Variants in PCSK1 observed in about 807,000 individuals in gnomAD.
PCSK1 encodes neuroendocrine convertase 1.
Under a neutral mutation model 90.6 loss-of-function variants are expected in PCSK1, and 56 were observed. The ratio of observed to expected loss-of-function variants is 0.62; its 90% confidence interval spans 0.50 to 0.77. The LOEUF (loss-of-function observed/expected upper bound fraction) is 0.77, where lower values mean the gene tolerates loss of function less well. Ranked by LOEUF, PCSK1 falls within the 30% of genes least tolerant of loss-of-function variation. The pLI is 0.00. For missense variants in PCSK1, 801 were observed against 932.6 expected (o/e 0.86, Z 1.84); for synonymous variants, 348 against 342.4 (o/e 1.02, Z -0.18).
intron 9 of PCSK1, among the ~76,000 whole-genome samples, chr5:96,401,716 G>A (rs115884089): frequency 1.9e-3 from 291 of 152,106 alleles, no homozygotes; most frequent in African/African-American, 6.3e-3. Context: ...TCTAACATGC[G>A]GGAAACTCAT....
intron 1 of PCSK1, among the ~76,000 whole-genome samples, chr5:96,430,727 T>C (rs778670291): frequency 6.6e-6 from 1 of 152,240 alleles, no homozygotes; most frequent in Non-Finnish European, 1.5e-5. Context: ...TTGTTAAGTT[T>C]GTTTTAAAAC....
intron 6 of PCSK1, among the ~76,000 whole-genome samples, 162 bp from the exon 7 acceptor site, chr5:96,412,652 AC>A: frequency 6.6e-6 from 1 of 151,832 alleles, no homozygotes; most frequent in Non-Finnish European, 1.5e-5. Flanking sequence ...AGCTACTGAC[AC>A]CACAGAAGGA....
In PCSK1 at chr5:96,393,340, C is replaced by T. The variant is rs6236; in HGVS notation, c.1923G>A (p.Leu641=). The change falls in exon 14 of 14, where the codon CTG becomes CTA. Residue 641 remains leucine, a synonymous_variant. Transcript: ENST00000311106. The stretch of plus-strand genomic sequence containing the variant: ...TGCTGCTGCTGGGGCTTTTGGACAC[C>T]AGGGTGTTCTCCTTAGGGTTCTCTT... ...PTQENPKENT[L]VSKSPSSSSV... The T allele has an allele frequency of 1.2e-3, 1,892 of 1,614,078 alleles. 24 individuals are homozygous for T. In the African/African-American group the frequency reaches 0.021, roughly 18 times the overall value.
rs1284647524 is a variant in PCSK1 at position 96,429,287 on chromosome 5, T to G, written c.211A>C (p.Lys71Gln). The G allele has an allele frequency of 2.5e-6, 4 of 1,593,904 alleles. No individual in the cohort carries two copies. Among genetic ancestry groups the G allele is most frequent in the Non-Finnish European group, 3.4e-6 (4 of 1,161,858 alleles). ...IGSLENHYLF[K>Q]HKNHPRRSRR... ...GACCTTCTGGGGTGGTTTTTATGTT[T>G]GAATAAGTAGTGATTTTCAAGTGAA... Residue 71 changes from lysine (K) to glutamine (Q), a missense_variant, in exon 2 of 14, where the codon AAA (lysine) becomes CAA (glutamine). Coordinates refer to ENST00000311106, the MANE Select transcript of PCSK1 (RefSeq NM_000439.5).
chr5:96,400,244 G>T, intron 9 of PCSK1, 58 bp from the exon 10 acceptor site: 1 of 1,195,928 alleles, frequency 8.4e-7, no homozygotes, highest in Non-Finnish European at 1.3e-6. Flanking sequence ...CCTTGCAAAA[G>T]CAAGTGCTAA....
At chr5:96,402,449 A>G (rs976882604) in intron 9 of PCSK1, among the ~76,000 whole-genome samples, 1 of 151,982 alleles carries the variant, frequency 6.6e-6, no homozygotes, top group Non-Finnish European at 1.5e-5. Context: ...TCGTGGAGAG[A>G]GGAGGGGAAA....
intron 1 of PCSK1, among the ~76,000 whole-genome samples, chr5:96,432,658 C>T (rs1761542651): frequency 6.6e-6 from 1 of 152,206 alleles, no homozygotes; most frequent in Admixed American, 6.5e-5. Flanking sequence ...CTTCCTTCTG[C>T]TTGGCTGCGC....
chr5:96,425,017 AAAGAAAG>A (rs1386522089), intron 3 of PCSK1, among the ~76,000 whole-genome samples: 1 of 46,154 alleles, frequency 2.2e-5, no homozygotes, highest in African/African-American at 8.5e-5. Flanking sequence ...GAAAAGAAAG[AAAGAAAG>A]AAAGAAAGAA....
chr5:96,393,541 C>G (rs964741431), intron 13 of PCSK1, among the ~76,000 whole-genome samples, 163 bp from the exon 14 acceptor site: 6 of 152,140 alleles, frequency 3.9e-5, no homozygotes, highest in Non-Finnish European at 7.3e-5. Context: ...GGCTTCAACC[C>G]TCATTTGCCT....
At chr5:96,402,577 G>A (rs867720464) in intron 9 of PCSK1, among the ~76,000 whole-genome samples, 1 of 152,208 alleles carries the variant, frequency 6.6e-6, no homozygotes. Flanking sequence ...CCTTTTGTTC[G>A]GGGCTCCCTC....
intron 8 of PCSK1, 42 bp downstream of exon 8, chr5:96,410,732 C>T (rs776632012): frequency 2.7e-6 from 4 of 1,483,658 alleles, no homozygotes; most frequent in South Asian, 2.3e-5. Context: ...GCATGCCACG[C>T]TCTCCTAACT....
At chr5:96,411,015 C>T in intron 7 of PCSK1, 29 bp from the exon 8 acceptor site, 16 of 1,474,144 alleles carry the variant, frequency 1.1e-5, no homozygotes, top group Non-Finnish European at 1.5e-5. Flanking sequence ...TGCATATTAT[C>T]TGTTATCATC....
At chr5:96,430,582 T>C (rs1012400743) in intron 1 of PCSK1, among the ~76,000 whole-genome samples, 1 of 152,176 alleles carries the variant, frequency 6.6e-6, no homozygotes, top group Admixed American at 6.5e-5. Flanking sequence ...AGCTTTATCC[T>C]GAGGCAATAA....
intron 9 of PCSK1, among the ~76,000 whole-genome samples, chr5:96,402,715 T>C (rs1029775134): frequency 2.0e-5 from 3 of 152,134 alleles, no homozygotes; most frequent in African/African-American, 7.2e-5. Context: ...AAAGGCTCAA[T>C]GCTTTCATTT....
chr5:96,395,658 G>A (rs1760112880), intron 12 of PCSK1, among the ~76,000 whole-genome samples: 1 of 152,164 alleles, frequency 6.6e-6, no homozygotes, highest in Non-Finnish European at 1.5e-5. Flanking sequence ...GGGGGCAAGG[G>A]GAGGGATAGC....
chr5:96,432,877 C>A lies in PCSK1; in HGVS notation c.166G>T (p.Asp56Tyr). Residue 56 changes from aspartate to tyrosine, a missense_variant, in exon 1 of 14, where the codon GAC becomes TAC. Physicochemically the swap from Asp to Tyr is radical, Grantham distance 160. Transcript: ENST00000311106. Reference sequence around the variant, plus strand: ...GAAACTCTTACCTGACCCAAAAGGTCATAGCCCAGCTCCTCGGCGATGGCC... The same window carrying A: ...GAAACTCTTACCTGACCCAAAAGGTAATAGCCCAGCTCCTCGGCGATGGCC... The part of the protein sequence containing the change: ...ASAIAEELGY[D>Y]LLGQIGSLEN... The A allele has an allele frequency of 6.2e-7, 1 of 1,613,778 alleles. No individual in the cohort carries two copies. The highest frequency in any genetic ancestry group is 1.1e-5 in the South Asian group (1 of 91,048).
At chr5:96,426,338 T>C (rs1241646751) in intron 2 of PCSK1, among the ~76,000 whole-genome samples, 1 of 152,220 alleles carries the variant, frequency 6.6e-6, no homozygotes, top group East Asian at 1.9e-4. Context: ...ACTGCTGTTA[T>C]AATGCTTTTA....
intron 9 of PCSK1, among the ~76,000 whole-genome samples, chr5:96,403,786 T>C (rs145957933): frequency 2.0e-3 from 305 of 152,350 alleles, no homozygotes; most frequent in African/African-American, 7.1e-3. Flanking sequence ...AAAATTTTTC[T>C]AACTTGGACT....
At chr5:96,412,898 C>A in intron 6 of PCSK1, 1 of 618,112 alleles carries the variant, frequency 1.6e-6, no homozygotes, top group Non-Finnish European at 2.1e-6. Context: ...TGCCCTCCCT[C>A]CCACCCCAAC....
Sources: gnomAD v4.1 joint callset for allele counts (sites outside exome capture counted in the v4.1 genomes callset) on GRCh38, gnomAD v4.1.1 for gene constraint, MANE v1.5 for transcripts, NCBI Gene and HGNC (gene_info 2026-07-23, HGNC 2026-07-21) for gene names.